The following ASPH variants were observed in gnomAD, a reference collection of about 807,000 sequenced individuals.
ASPH encodes aspartyl/asparaginyl beta-hydroxylase.
Under a neutral mutation model 118.4 loss-of-function variants are expected in ASPH, and 100 were observed. That is an observed-to-expected ratio of 0.84 (90% CI 0.72 to 1.00). ASPH has a LOEUF of 1.00. Among genes scored for constraint, ASPH ranks in the 50% least tolerant of loss-of-function variants. The probability of loss-of-function intolerance (pLI) is 0.00; values close to 1 mark genes in which losing one functional copy is unlikely to be tolerated. For synonymous variants in ASPH, 315 were observed against 325.6 expected, an observed-to-expected ratio of 0.97 and a Z score of 0.35; for missense variants, 920 against 919.5, an observed-to-expected ratio of 1.00 and a Z score of -0.01.
At chr8:61,599,393 A>C (rs1243509626) in intron 14 of ASPH, among the ~76,000 whole-genome samples, 1 of 152,006 alleles carries the variant, frequency 6.6e-6, no homozygotes, top group Non-Finnish European at 1.5e-5. Flanking sequence ...TGGGTGCAGC[A>C]CAGCAACACG....
At chr8:61,599,650 C>A (rs1469632151) in intron 14 of ASPH, among the ~76,000 whole-genome samples, 2 of 151,940 alleles carry the variant, frequency 1.3e-5, no homozygotes, top group African/African-American at 4.8e-5. Flanking sequence ...CAATCATACA[C>A]TAACAAATTG....
At chr8:61,592,521 G>A (rs138073545) in intron 14 of ASPH, among the ~76,000 whole-genome samples, 162 of 152,198 alleles carry the variant, frequency 1.1e-3, no homozygotes, top group African/African-American at 3.7e-3. Flanking sequence ...TTTTTAAGCA[G>A]AATCACATAA....
chr8:61,558,533 C>T (rs1381050591), intron 18 of ASPH, among the ~76,000 whole-genome samples: 1 of 152,166 alleles, frequency 6.6e-6, no homozygotes, highest in African/African-American at 2.4e-5. Context: ...GTATCTGTCT[C>T]TCAAATAGTG....
At chr8:61,552,711 T>C (rs73263152) in intron 20 of ASPH, among the ~76,000 whole-genome samples, 2,347 of 152,246 alleles carry the variant, frequency 0.015, 60 homozygotes, top group African/African-American at 0.054. Flanking sequence ...TCTATCTCTC[T>C]GTACACACAC....
At chr8:61,586,429 G>A (rs1328860951) in intron 14 of ASPH, among the ~76,000 whole-genome samples, 2 of 152,002 alleles carry the variant, frequency 1.3e-5, no homozygotes, top group African/African-American at 2.4e-5. Context: ...TGACTTTATT[G>A]CAGAGAATGA....
At chr8:61,557,143 C>T (rs1201865008) in intron 18 of ASPH, among the ~76,000 whole-genome samples, 1 of 152,220 alleles carries the variant, frequency 6.6e-6, no homozygotes, top group African/African-American at 2.4e-5. Flanking sequence ...AGCCTCCTCA[C>T]TGCAGATCCT....
At chr8:61,665,248 G>A in intron 3 of ASPH, 1 of 1,583,856 alleles carries the variant, frequency 6.3e-7, no homozygotes, top group Non-Finnish European at 8.5e-7. Context: ...TGATGCCAGA[G>A]CTTTAGCCGT....
Position 61,503,340 on chromosome 8 carries a change from A to C in ASPH, c.*19T>G. 6.3e-7 allele frequency: 1 copy of C among 1,594,536 alleles called. No homozygotes were observed. The highest frequency in any genetic ancestry group is 8.6e-7 in the Non-Finnish European group (1 of 1,167,374). On this transcript the variant is annotated 3_prime_UTR_variant, in exon 25 of 25. Transcript: ENST00000379454. Reference sequence around the variant, plus strand: ...AGGCAGCCTCTCTCCAGAGTTTCCCAAGCTTGCATGAATTCATGCTAAATT... The same window carrying C: ...AGGCAGCCTCTCTCCAGAGTTTCCCCAGCTTGCATGAATTCATGCTAAATT...
Position 61,502,561 on chromosome 8 carries a change from G to T in ASPH, c.*798C>A, listed in dbSNP as rs1586098015. ...TTTTCCCCAGAAGCTCTAATAATTGGCATTAAAAAAATTTGCATCTGGGAT... is the reference window on the plus strand; with the variant it reads ...TTTTCCCCAGAAGCTCTAATAATTGTCATTAAAAAAATTTGCATCTGGGAT... On this transcript the variant is annotated 3_prime_UTR_variant, in exon 25 of 25. Coordinates refer to ENST00000379454, the MANE Select transcript of ASPH (RefSeq NM_004318.4). 2 of 151,904 alleles carry T rather than the reference G, an allele frequency of 1.3e-5. No homozygotes were observed. The allele number at this position is 151,904 out of a possible 1,614,324, so 9.4% of individuals were successfully genotyped here.
intron 21 of ASPH, among the ~76,000 whole-genome samples, chr8:61,528,393 T>C (rs1816290392): frequency 6.6e-6 from 1 of 152,248 alleles, no homozygotes; most frequent in Non-Finnish European, 1.5e-5. Context: ...GTCACTTGTT[T>C]AAGTTGCTAG....
intron 1 of ASPH, among the ~76,000 whole-genome samples, chr8:61,712,987 C>CTCAG (rs1345231850): frequency 6.6e-6 from 1 of 152,214 alleles, no homozygotes; most frequent in African/African-American, 2.4e-5. Context: ...AAAGAGTAGC[C>CTCAG]TCAGTCGGCT....
Position 61,625,160 on chromosome 8 carries a change from C to T in ASPH, c.935-6141G>A, listed in dbSNP as rs145487767. ...TCCTTTCAAAATGATGTGGTAGCTA[C>T]CTTCTTTTCTGACAAAGGATTATTT... On this transcript the variant is annotated intron_variant, in intron 13 of 24. Transcript: ENST00000379454. The T allele has an allele frequency of 1.5e-4, 150 of 985,698 alleles. 1 individual carries two copies. The African/African-American group carries it at 2.5e-3, about 17-fold the overall frequency. 61.1% of individuals were successfully genotyped at this position (985,698 alleles called of 1,614,324 possible).
At chr8:61,624,695 C>T in intron 13 of ASPH, 1 of 985,618 alleles carries the variant, frequency 1.0e-6, no homozygotes, top group Non-Finnish European at 1.2e-6. Flanking sequence ...TTAACCACAG[C>T]ATAATGAATC....
chr8:61,601,360 G>A lies in ASPH; in HGVS notation c.977-17331C>T, dbSNP rs999122096. 3.3e-5 allele frequency among the ~76,000 whole-genome samples: 5 copies of A among 151,050 alleles called. 1 individual carries two copies. The highest frequency in any genetic ancestry group is 9.9e-5 in the African/African-American group (4 of 40,442). On this transcript the variant is annotated intron_variant, in intron 14 of 24. Coordinates refer to ENST00000379454, the MANE Select transcript of ASPH (RefSeq NM_004318.4). ...GCTCAAGACCAGCCTGGCCAACATC[G>A]TGAAACCTCGTCTCTACTAAAAATA...
intron 4 of ASPH, 122 bp downstream of exon 4, chr8:61,653,446 A>T (rs1271365399): frequency 3.5e-6 from 3 of 861,830 alleles, no homozygotes; most frequent in East Asian, 2.7e-5. Context: ...AGAGAAAAAA[A>T]GTAGTTAATT....
chr8:61,528,478 T>C (rs1816330894), intron 21 of ASPH, among the ~76,000 whole-genome samples: 1 of 152,190 alleles, frequency 6.6e-6, no homozygotes, highest in African/African-American at 2.4e-5. Context: ...TAAAATTACT[T>C]TTCAAATGAG....
intron 21 of ASPH, among the ~76,000 whole-genome samples, chr8:61,545,715 C>T (rs1335724155): frequency 6.6e-6 from 1 of 152,314 alleles, no homozygotes; most frequent in Non-Finnish European, 1.5e-5. Context: ...ATCAATCATG[C>T]TTCTTTCTTC....
intron 22 of ASPH, among the ~76,000 whole-genome samples, chr8:61,523,824 T>C (rs1158416817): frequency 6.6e-6 from 1 of 151,678 alleles, no homozygotes; most frequent in Non-Finnish European, 1.5e-5. Flanking sequence ...GTGGAGTGGC[T>C]TATACCTGTA....
chr8:61,582,943 T>C (rs1838046313), intron 15 of ASPH: 1 of 152,174 alleles, frequency 6.6e-6, no homozygotes, highest in Non-Finnish European at 1.5e-5. Flanking sequence ...ATAATAAATA[T>C]TTTTGCACCC....
Sources: gnomAD v4.1 joint callset for allele counts (sites outside exome capture counted in the v4.1 genomes callset) on GRCh38, gnomAD v4.1.1 for gene constraint, MANE v1.5 for transcripts, NCBI Gene and HGNC (gene_info 2026-07-23, HGNC 2026-07-21) for gene names.